Variants in AGBL1 observed in about 807,000 individuals in gnomAD.
AGBL1 encodes AGBL carboxypeptidase 1.
Under a neutral mutation model 118.9 loss-of-function variants are expected in AGBL1, and 130 were observed. That is an observed-to-expected ratio of 1.09 (90% CI 0.95 to 1.26). The LOEUF is 1.26. Among genes scored for constraint, AGBL1 ranks in the 50% most tolerant of loss-of-function variants. The probability of loss-of-function intolerance (pLI) is 0.00; values close to 1 mark genes in which losing one functional copy is unlikely to be tolerated. For synonymous variants in AGBL1, 555 were observed against 478.9 expected, an observed-to-expected ratio of 1.16 and a Z score of -2.08; for missense variants, 1,584 against 1,298.1, an observed-to-expected ratio of 1.22 and a Z score of -3.38.
At chr15:87,003,407 AAT>A (rs2081461902) in intron 24 of AGBL1, among the ~76,000 whole-genome samples, 1 of 104,292 alleles carries the variant, frequency 9.6e-6, no homozygotes, top group Non-Finnish European at 2.6e-5. Context: ...TTTTTGCATC[AAT>A]GTTCATCGGG....
chr15:86,583,638 T>C (rs1490117735), intron 21 of AGBL1, among the ~76,000 whole-genome samples: 1 of 152,090 alleles, frequency 6.6e-6, no homozygotes, highest in African/African-American at 2.4e-5. Flanking sequence ...CTACAGTGAA[T>C]GTGCAACTGC....
At chr15:86,482,571 C>A (rs1297109858) in intron 18 of AGBL1, among the ~76,000 whole-genome samples, 1 of 152,056 alleles carries the variant, frequency 6.6e-6, no homozygotes. Context: ...CACTGAAACC[C>A]TGGCTGGACC....
At chr15:86,516,831 C>T (rs184946025) in intron 18 of AGBL1, among the ~76,000 whole-genome samples, 31 of 150,690 alleles carry the variant, frequency 2.1e-4, no homozygotes, top group Non-Finnish European at 2.9e-4. Context: ...TAACTGATCA[C>T]GTGTTCTTGA....
intron 1 of AGBL1, among the ~76,000 whole-genome samples, chr15:86,090,861 C>T (rs1441657218): frequency 5.3e-5 from 8 of 152,094 alleles, no homozygotes; most frequent in Admixed American, 2.6e-4. Flanking sequence ...AGCTTCTCTG[C>T]CATACTACTA....
At chr15:86,367,019 A>G (rs1236085298) in intron 17 of AGBL1, among the ~76,000 whole-genome samples, 1 of 152,152 alleles carries the variant, frequency 6.6e-6, no homozygotes, top group African/African-American at 2.4e-5. Context: ...TTTTCACCAA[A>G]TCTGAGATAA....
rs138252564 is a variant in AGBL1 at position 86,982,925 on chromosome 15, G to A, written c.3222-5062G>A. On this transcript the variant is annotated intron_variant, in intron 23 of 24. Transcript: ENST00000441037. ...TCTTCATGCTGTTCAAGGATCAGCT[G>A]TATATTCTTGAGAACCTGTGAGTTT... Among the ~76,000 whole-genome samples, 9 of 152,274 alleles carry A rather than the reference G, an allele frequency of 5.9e-5. No homozygotes were observed. In the East Asian group the frequency reaches 1.2e-3, roughly 20 times the overall value.
At chr15:86,849,711 A>T (rs1251891985) in intron 22 of AGBL1, among the ~76,000 whole-genome samples, 1 of 152,188 alleles carries the variant, frequency 6.6e-6, no homozygotes, top group Admixed American at 6.5e-5. Context: ...CATGGCACAG[A>T]TTATGCCAGG....
At chr15:86,822,948 T>G (rs2141392337) in intron 22 of AGBL1, among the ~76,000 whole-genome samples, 1 of 152,266 alleles carries the variant, frequency 6.6e-6, no homozygotes, top group South Asian at 2.1e-4. Flanking sequence ...TATAGAAATC[T>G]TAGAGGCGTT....
intron 6 of AGBL1, among the ~76,000 whole-genome samples, chr15:86,226,086 G>C (rs1047039428): frequency 1.3e-5 from 2 of 152,206 alleles, no homozygotes; most frequent in Admixed American, 1.3e-4. Context: ...CCTGCAGGTA[G>C]AGTGGAGGTG....
At chr15:86,334,694 G>A (rs907487894) in intron 17 of AGBL1, among the ~76,000 whole-genome samples, 2 of 151,120 alleles carry the variant, frequency 1.3e-5, no homozygotes, top group Non-Finnish European at 2.9e-5. Flanking sequence ...AAAACAGCCC[G>A]AATAGCCAAA....
chr15:86,377,757 T>C (rs1596036334), intron 17 of AGBL1, among the ~76,000 whole-genome samples: 1 of 152,300 alleles, frequency 6.6e-6, no homozygotes, highest in East Asian at 1.9e-4. Flanking sequence ...AGGAGCTAGA[T>C]ATTCCCAGCC....
intron 1 of AGBL1, among the ~76,000 whole-genome samples, chr15:86,128,999 T>C (rs1316364072): frequency 6.6e-6 from 1 of 152,166 alleles, no homozygotes; most frequent in Non-Finnish European, 1.5e-5. Flanking sequence ...ATGGATAAAT[T>C]GGGGAGAACA....
chr15:86,727,861 C>G lies in AGBL1; in HGVS notation c.3158+53425C>G, dbSNP rs76454597. The stretch of plus-strand genomic sequence containing the variant: ...GAGGTCTAGAAAGGTTCAGTGACTG[C>G]TTATCCAGTGAATTTACTCGGAAAT... On this transcript the variant is annotated intron_variant, in intron 22 of 22. Coordinates refer to ENST00000614907, the MANE Select transcript of AGBL1 (RefSeq NM_001386094.1). Among the ~76,000 whole-genome samples, 934 of 152,268 alleles carry G rather than the reference C, an allele frequency of 6.1e-3. 11 individuals are homozygous for G. Among genetic ancestry groups the G allele is most frequent in the African/African-American group, 0.021 (885 of 41,558 alleles).
intron 22 of AGBL1, among the ~76,000 whole-genome samples, chr15:86,740,695 T>C (rs1463030121): frequency 2.6e-5 from 4 of 152,132 alleles, no homozygotes; most frequent in Non-Finnish European, 4.4e-5. Flanking sequence ...GGTAGACAGA[T>C]GAATGAGTGT....
intron 18 of AGBL1, among the ~76,000 whole-genome samples, chr15:86,520,273 T>C (rs2083171162): frequency 6.6e-6 from 1 of 152,202 alleles, no homozygotes; most frequent in South Asian, 2.1e-4. Context: ...GAGATAGAAG[T>C]ATATGATATT....
At chr15:86,104,451 A>AC (rs1326482463) in intron 1 of AGBL1, among the ~76,000 whole-genome samples, 1 of 152,202 alleles carries the variant, frequency 6.6e-6, no homozygotes, top group Non-Finnish European at 1.5e-5. Flanking sequence ...TTGTAAGTGC[A>AC]CAGTGGCTCT....
chr15:86,327,427 C>G (rs886716093), intron 17 of AGBL1, among the ~76,000 whole-genome samples: 6 of 152,184 alleles, frequency 3.9e-5, no homozygotes, highest in African/African-American at 1.4e-4. Context: ...ACATCTCTGA[C>G]TCATTCTCTG....
At chr15:86,978,542 GA>G (rs1231236946) in intron 23 of AGBL1, among the ~76,000 whole-genome samples, 1 of 152,152 alleles carries the variant, frequency 6.6e-6, no homozygotes, top group African/African-American at 2.4e-5. Context: ...CTCCTTAACA[GA>G]AAATGAATGA....
At chr15:86,535,985 A>G (rs1012343226) in intron 19 of AGBL1, among the ~76,000 whole-genome samples, 1 of 152,182 alleles carries the variant, frequency 6.6e-6, no homozygotes, top group Non-Finnish European at 1.5e-5. Context: ...ATATGGTAGG[A>G]AAAGAACAAA....
Sources: allele counts gnomAD v4.1 joint callset (sites outside exome capture counted in the v4.1 genomes callset), GRCh38; gene constraint gnomAD v4.1.1; transcripts MANE v1.5; gene names NCBI Gene and HGNC (gene_info 2026-07-23, HGNC 2026-07-21).